Variants in PEG3 observed in about 807,000 individuals in gnomAD.
PEG3 encodes paternally-expressed gene 3 protein.
A neutral mutation model predicts 35.5 loss-of-function variants in PEG3; 23 were observed. The ratio of observed to expected loss-of-function variants is 0.65; its 90% confidence interval spans 0.47 to 0.92. PEG3 has a LOEUF of 0.92. PEG3 is among the 40% of genes least tolerant of loss of function. PEG3 has a pLI of 0.00. For synonymous variants in PEG3, 707 were observed against 697.0 expected (o/e 1.01, Z -0.23); for missense variants, 1,960 against 1,985.3 (o/e 0.99, Z 0.24).
intron 8 of PEG3, 78 bp downstream of exon 8, chr19:56,818,522 A>G (rs906192932): frequency 1.3e-5 from 20 of 1,493,258 alleles, no homozygotes; most frequent in Non-Finnish European, 1.7e-5. Context: ...GGACTCTAAC[A>G]TCCAGCTTAA....
intron 1 of PEG3, among the ~76,000 whole-genome samples, chr19:56,839,798 C>T (rs1384393981): frequency 1.3e-5 from 2 of 152,100 alleles, no homozygotes; most frequent in Admixed American, 6.5e-5. Flanking sequence ...CCTCAGCCAC[C>T]CTCATAAAAG....
intron 1 of PEG3, among the ~76,000 whole-genome samples, chr19:56,837,482 G>A (rs1160378247): frequency 6.6e-6 from 1 of 152,188 alleles, no homozygotes. Flanking sequence ...TAAAACGTCT[G>A]AGTTTGGCCT....
Position 56,813,551 on chromosome 19 carries a change from G to A in PEG3, c.*124C>T. ...TTCAATCTGAGTTTAGAGATGTTAA[G>A]TCAGGTGTGTAACACACTAAGGTTA... is the stretch of plus-strand genomic sequence containing the variant. On this transcript the variant is annotated 3_prime_UTR_variant, in exon 10 of 10. Transcript: ENST00000326441. 6.9e-7 allele frequency: 1 copy of A among 1,448,398 alleles called. No individual in the cohort carries two copies. Among genetic ancestry groups the A allele is most frequent in the East Asian group, 2.5e-5 (1 of 40,000 alleles). 89.7% of individuals were successfully genotyped at this position (1,448,398 alleles called of 1,614,324 possible). A position where few individuals can be genotyped will look rare whatever the true frequency, so the allele number is the denominator to read the frequency against.
Position 56,834,903 on chromosome 19 carries a change from TGATCCTGTCCTG to T in PEG3, c.-163+1103_-163+1114del, listed in dbSNP as rs1373079651. Among the ~76,000 whole-genome samples the T allele has an allele frequency of 6.6e-5, 10 of 152,236 alleles. No individual in the cohort carries two copies. The East Asian group carries it at 1.9e-3, about 29-fold the overall frequency. ...ACTTCTGGAGACTCTAAGCCTGGCA[TGATCCTGTCCTG>T]GATCAGGCCCAGTATCAATGCTTGC... On this transcript the variant is annotated intron_variant, in intron 2 of 9. Coordinates refer to ENST00000326441, the MANE Select transcript of PEG3 (RefSeq NM_006210.3).
At chr19:56,834,974 G>A (rs2061944063) in intron 2 of PEG3, among the ~76,000 whole-genome samples, 2 of 152,120 alleles carry the variant, frequency 1.3e-5, no homozygotes, top group Admixed American at 6.5e-5. Flanking sequence ...CTCTAGCTAT[G>A]TGCTTGCTTC....
Position 56,811,423 on chromosome 19 carries a change from A to G in PEG3, c.*2252T>C, listed in dbSNP as rs1011352891. Reference sequence around the variant, plus strand: ...TTTCTCCACTTAATGTTCTGTAAATATATTTCCACGTTGCTACATAACTCG... The same window carrying G: ...TTTCTCCACTTAATGTTCTGTAAATGTATTTCCACGTTGCTACATAACTCG... On this transcript the variant is annotated 3_prime_UTR_variant, in exon 10 of 10. Transcript: ENST00000326441. 4.1e-5 allele frequency: 37 copies of G among 906,326 alleles called. No individual in the cohort carries two copies. Among genetic ancestry groups the G allele is most frequent in the South Asian group, 5.1e-5 (1 of 19,634 alleles). The allele number at this position is 906,326 out of a possible 1,614,324, so 56.1% of individuals were successfully genotyped here. A position where few individuals can be genotyped will look rare whatever the true frequency, so the allele number is the denominator to read the frequency against.
Position 56,815,334 on chromosome 19 carries a change from G to T in PEG3, c.3108C>A (p.Phe1036Leu), listed in dbSNP as rs2059876722. Residue 1036 changes from phenylalanine to leucine, a missense_variant, in exon 10 of 10, where the codon TTC becomes TTA. This residue lies in a region of PEG3 where 798 missense variants were observed against 782.4 expected (regional missense o/e 1.02). Transcript: ENST00000326441. ...KEQARNKCKD[F>L]RQFFATSEDL... ...CTTCGCTGGTAGCAAAAAATTGTCTGAAGTCCTTACATTTGTTCCGCGCTT... is the reference window on the plus strand; with the variant it reads ...CTTCGCTGGTAGCAAAAAATTGTCTTAAGTCCTTACATTTGTTCCGCGCTT... The T allele has an allele frequency of 6.2e-7, 1 of 1,614,192 alleles. No homozygotes were observed. Among genetic ancestry groups the T allele is most frequent in the Non-Finnish European group, 8.5e-7 (1 of 1,180,036 alleles).
In PEG3 at chr19:56,814,335, T is replaced by TGCTGCTGCA; in HGVS notation, c.4098_4106dup (p.Ala1369_Ala1371dup). ...CATTGGCTTCAACTTCCTGGGCTGC[T>TGCTGCTGCA]GCTGCTGCAGCTGCTGCTGCTTCAT... On this transcript the variant is annotated inframe_insertion, in exon 10 of 10. Coordinates refer to ENST00000326441, the MANE Select transcript of PEG3 (RefSeq NM_006210.3). This position sits in a 1 kb window ranked among gnomAD's most constrained non-coding sequence, Gnocchi z 5.8. The TGCTGCTGCA allele has an allele frequency of 2.5e-6, 4 of 1,613,458 alleles. No homozygotes were observed. Among genetic ancestry groups the TGCTGCTGCA allele is most frequent in the Non-Finnish European group, 3.4e-6 (4 of 1,179,504 alleles).
Position 56,816,120 on chromosome 19 carries a change from A to G in PEG3, c.2322T>C (p.Tyr774=). Reference sequence around the variant, plus strand: ...CTAAGCTATGAATAACAGACCTCTCATATGATTTTGCCTCATAGACATTTT... The same window carrying G: ...CTAAGCTATGAATAACAGACCTCTCGTATGATTTTGCCTCATAGACATTTT... ...TKENVYEAKS[Y]ERSVIHSLAS... Residue 774 remains tyrosine, a synonymous_variant, in exon 10 of 10, where the codon TAT becomes TAC. Transcript: ENST00000326441. The G allele has an allele frequency of 1.2e-6, 2 of 1,613,182 alleles. No homozygotes were observed. Among genetic ancestry groups the G allele is most frequent in the Non-Finnish European group, 1.7e-6 (2 of 1,179,438 alleles).
rs757214529 is a variant in PEG3, at chr19:56,824,365, G to T, written c.291C>A (p.Ile97=). 1.2e-6 allele frequency: 2 copies of T among 1,614,186 alleles called. No homozygotes were observed. Among genetic ancestry groups the T allele is most frequent in the East Asian group, 4.5e-5 (2 of 44,852 alleles). The part of the protein sequence containing the change: ...ELLVLEQYLT[I]IPEKLKPWVR... ...CCCAAGGCTTGAGCTTTTCAGGGATGATGGTCAGGTACTGCTCAAGGACCA... is the reference window on the plus strand; with the variant it reads ...CCCAAGGCTTGAGCTTTTCAGGGATTATGGTCAGGTACTGCTCAAGGACCA... Residue 97 remains isoleucine (I), a synonymous_variant, in exon 4 of 10, where the codon ATC becomes ATA. Transcript: ENST00000326441.
At chr19:56,818,267 A>C (rs2060165134) in intron 8 of PEG3, among the ~76,000 whole-genome samples, 1 of 152,174 alleles carries the variant, frequency 6.6e-6, no homozygotes, top group Non-Finnish European at 1.5e-5. Flanking sequence ...TCTTCCAGGA[A>C]AGTCCACATG....
At chr19:56,836,837 G>A (rs948519054) in intron 1 of PEG3, among the ~76,000 whole-genome samples, 7 of 151,860 alleles carry the variant, frequency 4.6e-5, no homozygotes, top group Middle Eastern at 3.2e-3. Context: ...GCATGGTGGC[G>A]CGCGCCTGTA....
At chr19:56,837,081 C>T (rs2062217799) in intron 1 of PEG3, among the ~76,000 whole-genome samples, 1 of 151,472 alleles carries the variant, frequency 6.6e-6, no homozygotes, top group African/African-American at 2.4e-5. Flanking sequence ...GACTTAAGAT[C>T]TCCTTGGGTG....
In PEG3 at chr19:56,816,863, G is replaced by C. The variant is rs776612828; in HGVS notation, c.1579C>G (p.His527Asp). The change falls in exon 10 of 10, where the codon CAT becomes GAT. Residue 527 changes from histidine to aspartate, a missense_variant. Coordinates refer to ENST00000326441, the MANE Select transcript of PEG3 (RefSeq NM_006210.3). ...SAALAEHRKI[H>D]ARGYLVECKN... ...CATTCCACAAGATAACCTCTAGCAT[G>C]AATCTTCCGATGTTCAGCCAAGGCG... The C allele has an allele frequency of 1.2e-6, 2 of 1,614,084 alleles. No homozygotes were observed. Among genetic ancestry groups the C allele is most frequent in the Non-Finnish European group, 1.7e-6 (2 of 1,179,944 alleles).
At chr19:56,839,981 C>G (rs891886295) in intron 1 of PEG3, among the ~76,000 whole-genome samples, 2 of 152,244 alleles carry the variant, frequency 1.3e-5, no homozygotes, top group African/African-American at 4.8e-5. Context: ...AAAACCCCTA[C>G]AGGCAGGACA....
chr19:56,830,607 G>T (rs750245530), intron 2 of PEG3, among the ~76,000 whole-genome samples: 3 of 152,124 alleles, frequency 2.0e-5, no homozygotes, highest in Non-Finnish European at 4.4e-5. Flanking sequence ...TGAAGAAAAA[G>T]AAAAGTATAA....
intron 2 of PEG3, among the ~76,000 whole-genome samples, chr19:56,831,851 T>C (rs1303166150): frequency 1.3e-5 from 2 of 152,242 alleles, no homozygotes; most frequent in Non-Finnish European, 2.9e-5. Context: ...TTGTTCTTAC[T>C]GCAAATATTC....
In PEG3 at chr19:56,815,138, G is replaced by C; in HGVS notation, c.3304C>G (p.Pro1102Ala). 3 of 1,613,870 alleles carry C rather than the reference G, an allele frequency of 1.9e-6. No individual in the cohort carries two copies. Among genetic ancestry groups the C allele is most frequent in the Non-Finnish European group, 2.5e-6 (3 of 1,179,952 alleles). ...TCACATTCATAGATTTTGTCATCAG[G>C]GTCATCCTTCTGAGGGTCTTCCATG... ...SDMEDPQKDDPDDKIYECEDC... is the reference protein window; with the variant it reads ...SDMEDPQKDDADDKIYECEDC... Residue 1102 changes from proline to alanine, a missense_variant, in exon 10 of 10, where the codon CCT becomes GCT. Coordinates refer to ENST00000326441, the MANE Select transcript of PEG3 (RefSeq NM_006210.3).
chr19:56,818,487 C>G, intron 8 of PEG3, 113 bp downstream of exon 8: 1 of 1,120,818 alleles, frequency 8.9e-7, no homozygotes, highest in South Asian at 1.5e-5. Flanking sequence ...TTCTTATTAC[C>G]CTTGAAGTCC....
Sources: gnomAD v4.1 joint callset for allele counts (sites outside exome capture counted in the v4.1 genomes callset) on GRCh38, gnomAD v4.1.1 for gene constraint, gnomAD v4.1.1 regional missense constraint, Gnocchi (gnomAD v3.1) non-coding constraint, MANE v1.5 for transcripts, NCBI Gene and HGNC (gene_info 2026-07-23, HGNC 2026-07-21) for gene names.